Variants in MICAL3 observed in about 807,000 individuals in gnomAD.
The protein encoded by MICAL3 is [F-actin]-monooxygenase MICAL3.
Under a neutral mutation model 207.4 loss-of-function variants are expected in MICAL3, and 62 were observed. The observed-to-expected ratio is 0.30, with a 90% CI of 0.24 to 0.37. The LOEUF (loss-of-function observed/expected upper bound fraction) is 0.37, where lower values mean the gene tolerates loss of function less well. Among genes scored for constraint, MICAL3 ranks in the 10% least tolerant of loss-of-function variants. The pLI is 1.00. For missense variants in MICAL3, 2,368 were observed against 2,635.6 expected (o/e 0.90, Z 2.22); for synonymous variants, 1,077 against 1,069.3 (o/e 1.01, Z -0.14).
intron 29 of MICAL3, among the ~76,000 whole-genome samples, chr22:17,799,326 G>A (rs558408387): frequency 6.6e-6 from 1 of 152,334 alleles, no homozygotes; most frequent in South Asian, 2.1e-4. Context: ...GGGTTGCAGT[G>A]AGTGGAGATG....
intron 1 of MICAL3, chr22:18,004,481 GA>G (rs1362942462): frequency 2.0e-5 from 3 of 151,708 alleles, no homozygotes; most frequent in Admixed American, 6.6e-5. Flanking sequence ...GGCTGGTCTT[GA>G]AATCCCAACC....
chr22:17,800,775 G>A (rs995482039), intron 29 of MICAL3, among the ~76,000 whole-genome samples: 1 of 152,150 alleles, frequency 6.6e-6, no homozygotes, highest in African/African-American at 2.4e-5. Context: ...AGGGGCAAGG[G>A]CAACCAGGTT....
intron 1 of MICAL3, among the ~76,000 whole-genome samples, chr22:17,994,948 G>C (rs1016036419): frequency 1.4e-4 from 22 of 152,154 alleles, no homozygotes; most frequent in African/African-American, 5.3e-4. Context: ...GACACCTGCA[G>C]ACGTGCCTAA....
Position 17,959,009 on chromosome 22 carries a change from G to GTT in MICAL3, c.-74-52124_-74-52123insAA, listed in dbSNP as rs1569147355. On this transcript the variant is annotated intron_variant, in intron 1 of 31. Coordinates refer to ENST00000441493, the MANE Select transcript of MICAL3 (RefSeq NM_015241.3). ...GCATAAGCCACTGCGCCGGGCCTGG[G>GTT]GTTTTTTTTTTTTTTTTTTTTTTTG... Among the ~76,000 whole-genome samples the GTT allele has an allele frequency of 2.9e-3, 344 of 118,746 alleles. 3 individuals are homozygous for GTT. Among genetic ancestry groups the GTT allele is most frequent in the African/African-American group, 9.0e-3 (296 of 32,940 alleles). The allele number at this position is 118,746 out of a possible 152,430, so 77.9% of individuals were successfully genotyped here. A position where few individuals can be genotyped will look rare whatever the true frequency, so the allele number is the denominator to read the frequency against.
At position 17,817,683 on chromosome 22, in the gene MICAL3, C is replaced by G; in HGVS notation, c.4978G>C (p.Glu1660Gln). 4.4e-6 allele frequency: 7 copies of G among 1,607,450 alleles called. No individual in the cohort carries two copies. Among genetic ancestry groups the G allele is most frequent in the Non-Finnish European group, 5.9e-6 (7 of 1,177,806 alleles). ...PTRPTLRGSE[E>Q]PTLKHEATSE... is the part of the protein sequence containing the mutation. The stretch of plus-strand genomic sequence containing the variant: ...GTGGCTTCATGCTTCAGGGTGGGCT[C>G]CTCGGAGCCCCTGAGAGTGGGGCGT... Residue 1660 changes from glutamate (E) to glutamine (Q), a missense_variant, in exon 26 of 32, where the codon GAG (glutamate) becomes CAG (glutamine). By Grantham distance (29) the Glu-to-Gln change is conservative. Around this residue, in one of 4 missense-constraint regions of MICAL3, gnomAD observed 1,770 missense variants for 1,863.2 expected, o/e 0.95. Transcript: ENST00000441493.
chr22:17,857,353 C>T (rs1926043343), intron 19 of MICAL3, among the ~76,000 whole-genome samples: 3 of 152,152 alleles, frequency 2.0e-5, no homozygotes, highest in Non-Finnish European at 4.4e-5. Flanking sequence ...GCCGCATGCT[C>T]CTTATGAGAA....
chr22:17,950,337 G>GTTTTTTT lies in MICAL3; in HGVS notation c.-74-43458_-74-43452dup, dbSNP rs764642603. On this transcript the variant is annotated intron_variant, in intron 1 of 31. Transcript: ENST00000441493. ...CCACCACATCTGGCGTTTTGTTTTT[G>GTTTTTTT]TTTTTTTTTTTTTTTTTTTTTTTGA... 5.4e-3 allele frequency among the ~76,000 whole-genome samples: 482 copies of GTTTTTTT among 89,182 alleles called. 5 individuals are homozygous for GTTTTTTT. Among genetic ancestry groups the GTTTTTTT allele is most frequent in the East Asian group, 9.4e-3 (23 of 2,438 alleles). The allele number at this position is 89,182 out of a possible 152,430, so 58.5% of individuals were successfully genotyped here. A position where few individuals can be genotyped will look rare whatever the true frequency, so the allele number is the denominator to read the frequency against.
At position 17,822,819 on chromosome 22, in the gene MICAL3, C is replaced by T; in HGVS notation, c.3307+128G>A. The stretch of plus-strand genomic sequence containing the variant: ...TTGGGTGGAATGAGATGCATTCCAG[C>T]CATGGTGGAGCCAAGAAGGAACCAG... On this transcript the variant is annotated intron_variant, in intron 23 of 31. Coordinates refer to ENST00000441493, the MANE Select transcript of MICAL3 (RefSeq NM_015241.3). 5 of 602,570 alleles carry T rather than the reference C, an allele frequency of 8.3e-6. No individual in the cohort carries two copies. In the East Asian group the frequency reaches 1.5e-4, roughly 18 times the overall value. The allele number at this position is 602,570 out of a possible 1,614,324, so 37.3% of individuals were successfully genotyped here.
At chr22:17,821,762 ACT>A (rs1422140970) in intron 24 of MICAL3, among the ~76,000 whole-genome samples, 1 of 152,064 alleles carries the variant, frequency 6.6e-6, no homozygotes, top group East Asian at 1.9e-4. Flanking sequence ...CCATGTGCAG[ACT>A]CTGCACACAG....
intron 1 of MICAL3, chr22:18,004,927 TA>T (rs1923282331): frequency 3.5e-5 from 5 of 140,890 alleles, no homozygotes; most frequent in Admixed American, 1.5e-4. Context: ...TTTTTATTTT[TA>T]TTTTGTTTTT....
chr22:17,927,637 T>C (rs746411537), intron 1 of MICAL3, among the ~76,000 whole-genome samples: 15 of 152,130 alleles, frequency 9.9e-5, no homozygotes, highest in Non-Finnish European at 2.1e-4. Context: ...CCATGTTCTT[T>C]CCAGCACAGT....
chr22:17,997,359 C>T (rs939678860), intron 1 of MICAL3, among the ~76,000 whole-genome samples: 1 of 152,144 alleles, frequency 6.6e-6, no homozygotes, highest in Non-Finnish European at 1.5e-5. Context: ...CCACTGCGCC[C>T]GGCCCATCTG....
At chr22:17,860,112 C>T (rs1211064477) in intron 19 of MICAL3, 16 of 897,832 alleles carry the variant, frequency 1.8e-5, no homozygotes, top group Non-Finnish European at 2.1e-5. Context: ...CCCTTTCCCA[C>T]CCTCTGGTCA....
At chr22:17,860,263 T>A (rs1926371409) in intron 19 of MICAL3, 1 of 984,782 alleles carries the variant, frequency 1.0e-6, no homozygotes. Flanking sequence ...AAAACAAAGT[T>A]ACACAATTAA....
chr22:17,877,175 GGTTAGGGAA>G lies in MICAL3; in HGVS notation c.2242-5161_2242-5153del, dbSNP rs1249146048. Reference sequence around the variant, plus strand: ...TTAGGGAGGTTATGGAGGTTAGGGAGGTTAGGGAAGTTATGGAGGTTAGGGAGGTTATGG... The same window carrying G: ...TTAGGGAGGTTATGGAGGTTAGGGAGGTTATGGAGGTTAGGGAGGTTATGG... On this transcript the variant is annotated intron_variant, in intron 16 of 31. Transcript: ENST00000441493. Among the ~76,000 whole-genome samples the G allele has an allele frequency of 9.8e-4, 111 of 112,780 alleles. 1 individual carries two copies. The highest frequency in any genetic ancestry group is 1.7e-3 in the South Asian group (6 of 3,636). 74.0% of individuals were successfully genotyped at this position (112,780 alleles called of 152,430 possible). A position where few individuals can be genotyped will look rare whatever the true frequency, so the allele number is the denominator to read the frequency against.
chr22:17,920,394 T>C (rs896253373), intron 1 of MICAL3, among the ~76,000 whole-genome samples: 9 of 152,146 alleles, frequency 5.9e-5, no homozygotes, highest in African/African-American at 2.2e-4. Flanking sequence ...GGTCATCTTT[T>C]CACTCCCTCT....
intron 1 of MICAL3, among the ~76,000 whole-genome samples, chr22:17,949,007 C>G (rs764791291): frequency 6.6e-6 from 1 of 151,290 alleles, no homozygotes; most frequent in African/African-American, 2.4e-5. Context: ...GTCTGAAGTT[C>G]GAGACCAACC....
Position 17,886,030 on chromosome 22 carries a change from T to C in MICAL3, c.2089A>G (p.Arg697Gly). 1 of 1,614,014 alleles carries C rather than the reference T, an allele frequency of 6.2e-7. No homozygotes were observed. The highest frequency in any genetic ancestry group is 8.5e-7 in the Non-Finnish European group (1 of 1,179,894). The change falls in exon 16 of 32, where the codon AGA (arginine) becomes GGA (glycine). Residue 697 changes from arginine to glycine, a missense_variant. Coordinates refer to ENST00000441493, the MANE Select transcript of MICAL3 (RefSeq NM_015241.3). ...CTCACCAGGGTCGGTCTTTCTCCTCTGTGGCCCCGAGGAGCTTCCTCCTGG... is the reference window on the plus strand; with the variant it reads ...CTCACCAGGGTCGGTCTTTCTCCTCCGTGGCCCCGAGGAGCTTCCTCCTGG... ...SEEEEAPRGHRGERPTLVSTL... is the reference protein window; with the variant it reads ...SEEEEAPRGHGGERPTLVSTL...
intron 1 of MICAL3, among the ~76,000 whole-genome samples, chr22:17,985,115 G>C (rs1477764693): frequency 2.0e-5 from 3 of 152,240 alleles, no homozygotes; most frequent in African/African-American, 7.2e-5. Context: ...CGCAAGAGTT[G>C]AGGGAGTCTG....
Sources: gnomAD v4.1 joint callset for allele counts (sites outside exome capture counted in the v4.1 genomes callset) on GRCh38, gnomAD v4.1.1 for gene constraint, gnomAD v4.1.1 regional missense constraint, MANE v1.5 for transcripts, NCBI Gene and HGNC (gene_info 2026-07-23, HGNC 2026-07-21) for gene names.